Variants in DNAJC7 observed in about 807,000 individuals in gnomAD.
DNAJC7 encodes dnaJ homolog subfamily C member 7.
A neutral mutation model predicts 67.4 loss-of-function variants in DNAJC7; 18 were observed. The observed-to-expected ratio is 0.27, with a 90% CI of 0.18 to 0.40. The LOEUF (loss-of-function observed/expected upper bound fraction) is 0.40. Ranked by LOEUF, DNAJC7 falls within the 10% of genes least tolerant of loss-of-function variation. The probability of loss-of-function intolerance (pLI) is 1.00; values close to 1 mark genes in which losing one functional copy is unlikely to be tolerated. For missense variants in DNAJC7, 419 were observed against 613.8 expected (o/e 0.68, Z 3.35); for synonymous variants, 220 against 207.8 (o/e 1.06, Z -0.50).
At chr17:41,978,793 T>C (rs2051162029) in intron 12 of DNAJC7, among the ~76,000 whole-genome samples, 1 of 152,156 alleles carries the variant, frequency 6.6e-6, no homozygotes, top group Non-Finnish European at 1.5e-5. Context: ...GGCAGGAGAA[T>C]GGCGTGAACC....
At chr17:42,014,718 A>C (rs1410009500) in intron 1 of DNAJC7, 1 of 149,736 alleles carries the variant, frequency 6.7e-6, no homozygotes, top group African/African-American at 2.5e-5. Flanking sequence ...GCATCACCCC[A>C]CCTGGCTAAT....
At chr17:42,007,583 G>C (rs2052000851) in intron 1 of DNAJC7, among the ~76,000 whole-genome samples, 1 of 152,042 alleles carries the variant, frequency 6.6e-6, no homozygotes, top group South Asian at 2.1e-4. Context: ...GAGTGCAGTG[G>C]TGAGATCTCG....
Position 41,981,962 on chromosome 17 carries a change from T to C in DNAJC7, c.1277A>G (p.Lys426Arg). The change falls in exon 12 of 14, where the codon AAG (lysine) becomes AGG (arginine). Residue 426 changes from lysine (K) to arginine (R), a missense_variant. By Grantham distance (26) the Lys-to-Arg change is conservative. This residue lies in a region of DNAJC7 where 161 missense variants were observed against 252.2 expected (regional missense o/e 0.64). Coordinates refer to ENST00000457167, the MANE Select transcript of DNAJC7 (RefSeq NM_003315.4). ...GGCCTCTCCAACTTCCTTGAACTTC[T>C]TCTCCTCCTCCTTCTGAACCTCAGC... ...ASAEVQKEEE[K>R]KFKEVGEAFT... 2 of 1,614,066 alleles carry C rather than the reference T, an allele frequency of 1.2e-6. No homozygotes were observed. The highest frequency in any genetic ancestry group is 1.7e-6 in the Non-Finnish European group (2 of 1,179,910).
chr17:41,983,599 C>T lies in DNAJC7; in HGVS notation c.1048G>A (p.Asp350Asn). Residue 350 changes from aspartate to asparagine, a missense_variant, in exon 10 of 14, where the codon GAC (aspartate) becomes AAC (asparagine). Asp to Asn is a conservative substitution (Grantham distance 23). This residue lies in a region of DNAJC7 where 161 missense variants were observed against 252.2 expected (regional missense o/e 0.64). Transcript: ENST00000457167. Reference sequence around the variant, plus strand: ...TCTGTCTGGTATACTTTTTCATAGTCTCGTACTGCTTCTTCATACTGTTCT... The same window carrying T: ...TCTGTCTGGTATACTTTTTCATAGTTTCGTACTGCTTCTTCATACTGTTCT... ...DTEQYEEAVRDYEKVYQTEKT... is the reference protein window; with the variant it reads ...DTEQYEEAVRNYEKVYQTEKT... 6.2e-7 allele frequency: 1 copy of T among 1,601,766 alleles called. No homozygotes were observed. Among genetic ancestry groups the T allele is most frequent in the Admixed American group, 1.7e-5 (1 of 57,602 alleles).
chr17:41,986,701 A>C (rs2051391778), intron 9 of DNAJC7, among the ~76,000 whole-genome samples: 1 of 152,196 alleles, frequency 6.6e-6, no homozygotes, highest in Non-Finnish European at 1.5e-5. Context: ...GGAATGACTG[A>C]CAGTCAGTCT....
At chr17:41,978,195 G>A (rs146536857) in intron 12 of DNAJC7, among the ~76,000 whole-genome samples, 1 of 152,276 alleles carries the variant, frequency 6.6e-6, no homozygotes, top group African/African-American at 2.4e-5. Context: ...CAAGGCCACA[G>A]CATGTCTGGT....
intron 2 of DNAJC7, among the ~76,000 whole-genome samples, chr17:41,998,657 A>C (rs1249765996): frequency 6.6e-6 from 1 of 152,234 alleles, no homozygotes; most frequent in Non-Finnish European, 1.5e-5. Context: ...TGAAATGTGC[A>C]TGTTGAGCTG....
At chr17:42,017,202 C>T (rs2052325957) in intron 1 of DNAJC7, 138 bp downstream of exon 1, 1 of 1,587,390 alleles carries the variant, frequency 6.3e-7, no homozygotes, top group African/African-American at 1.3e-5. Flanking sequence ...GTCCATCCGG[C>T]CTTGATCTCA....
At chr17:42,010,998 T>C (rs1411783760) in intron 1 of DNAJC7, 1 of 152,214 alleles carries the variant, frequency 6.6e-6, no homozygotes, top group Non-Finnish European at 1.5e-5. Context: ...AATAGCCTGT[T>C]AGGATAACTG....
chr17:41,987,757 A>G, intron 9 of DNAJC7, 62 bp downstream of exon 9: 1 of 1,422,838 alleles, frequency 7.0e-7, no homozygotes, highest in Non-Finnish European at 9.7e-7. Context: ...CGTCATCCAC[A>G]AGGCAATTCC....
chr17:42,008,912 TTGGCCAGGC>T (rs1452859142), intron 1 of DNAJC7, among the ~76,000 whole-genome samples: 2 of 152,046 alleles, frequency 1.3e-5, no homozygotes, highest in African/African-American at 4.8e-5. Flanking sequence ...TCTTGCCATG[TTGGCCAGGC>T]TGGTCTTCAA....
Position 41,982,025 on chromosome 17 carries a change from A to G in DNAJC7, c.1232-18T>C. The G allele has an allele frequency of 1.2e-6, 2 of 1,607,328 alleles. No homozygotes were observed. Among genetic ancestry groups the G allele is most frequent in the Non-Finnish European group, 1.7e-6 (2 of 1,178,070 alleles). Reference sequence around the variant, plus strand: ...ATGCCGATCTAAAGTGGGGAGTAAAAGAACAACTCAGTGGAAATCAAAGTT... The same window carrying G: ...ATGCCGATCTAAAGTGGGGAGTAAAGGAACAACTCAGTGGAAATCAAAGTT... On this transcript the variant is annotated intron_variant, in intron 11 of 13. Coordinates refer to ENST00000457167, the MANE Select transcript of DNAJC7 (RefSeq NM_003315.4).
chr17:41,994,736 G>A lies in DNAJC7; in HGVS notation c.480+134C>T, dbSNP rs998375694. 7.1e-6 allele frequency: 5 copies of A among 703,470 alleles called. No homozygotes were observed. The Admixed American group carries it at 8.7e-5, about 12-fold the overall frequency. 43.6% of individuals were successfully genotyped at this position (703,470 alleles called of 1,614,324 possible). On this transcript the variant is annotated intron_variant, in intron 5 of 13. Transcript: ENST00000457167. ...AAAACATTTTTAAGAGGAAAAGTCA[G>A]AAGCCTAATTTAAGTGATAATTTAC... is the stretch of plus-strand genomic sequence containing the variant.
chr17:41,990,322 G>T lies in DNAJC7; in HGVS notation c.541C>A (p.Leu181Ile). ...AGCATTGCTAAACATTCTGCCTTGA[G>T]GATTTTGAAGCGATGGCAGGCAGGG... The part of the protein sequence containing the change: ...FAPACHRFKI[L>I]KAECLAMLGR... Residue 181 changes from leucine (L) to isoleucine (I), a missense_variant, in exon 6 of 14, where the codon CTC becomes ATC. Coordinates refer to ENST00000457167, the MANE Select transcript of DNAJC7 (RefSeq NM_003315.4). 6.2e-7 allele frequency: 1 copy of T among 1,612,030 alleles called. No individual in the cohort carries two copies. Among genetic ancestry groups the T allele is most frequent in the Non-Finnish European group, 8.5e-7 (1 of 1,179,146 alleles).
chr17:41,982,308 G>C lies in DNAJC7; in HGVS notation c.1178C>G (p.Ser393Cys). Residue 393 changes from serine to cysteine, a missense_variant, in exon 11 of 14, where the codon TCT becomes TGT. By Grantham distance (112) the Ser-to-Cys change is moderately radical. Coordinates refer to ENST00000457167, the MANE Select transcript of DNAJC7 (RefSeq NM_003315.4). ...ATAAGCTTTCTTGATCTCGTCCTCA[G>C]AGGCATTCTTGTCCACTCCTAGAAT... ...YKILGVDKNA[S>C]EDEIKKAYRK... is the part of the protein sequence containing the mutation. The C allele has an allele frequency of 1.2e-6, 2 of 1,614,024 alleles. No homozygotes were observed. The highest frequency in any genetic ancestry group is 8.5e-7 in the Non-Finnish European group (1 of 1,179,908).
chr17:41,982,010 A>G lies in DNAJC7; in HGVS notation c.1232-3T>C, dbSNP rs2051263920. The G allele has an allele frequency of 6.2e-7, 1 of 1,612,218 alleles. No homozygotes were observed. Among genetic ancestry groups the G allele is most frequent in the Non-Finnish European group, 8.5e-7 (1 of 1,179,352 alleles). ...AGCACTGGCTCCACTATGCCGATCT[A>G]AAGTGGGGAGTAAAAGAACAACTCA... On this transcript the variant is annotated splice_polypyrimidine_tract_variant and splice_region_variant and intron_variant, in intron 11 of 13. Coordinates refer to ENST00000457167, the MANE Select transcript of DNAJC7 (RefSeq NM_003315.4).
At chr17:41,983,728 G>C in intron 9 of DNAJC7, 92 bp from the exon 10 acceptor site, 1 of 1,088,428 alleles carries the variant, frequency 9.2e-7, no homozygotes, top group Non-Finnish European at 1.3e-6. Context: ...GCTCAAGCAA[G>C]AGACACACAC....
In DNAJC7 at chr17:41,998,755, T is replaced by C. The variant is rs183336407; in HGVS notation, c.167-1516A>G. Reference sequence around the variant, plus strand: ...ATGGAGATAACTAAGACTTCTTTTATGTACAAAGGCCATTTTCTAAGGTAG... The same window carrying C: ...ATGGAGATAACTAAGACTTCTTTTACGTACAAAGGCCATTTTCTAAGGTAG... On this transcript the variant is annotated intron_variant, in intron 2 of 13. Coordinates refer to ENST00000457167, the MANE Select transcript of DNAJC7 (RefSeq NM_003315.4). Among the ~76,000 whole-genome samples, 253 of 152,348 alleles carry C rather than the reference T, an allele frequency of 1.7e-3. 1 individual carries two copies. The highest frequency in any genetic ancestry group is 1.4e-3 in the Non-Finnish European group (92 of 68,032).
At chr17:41,984,356 T>C (rs1555646460) in intron 9 of DNAJC7, 1 of 149,794 alleles carries the variant, frequency 6.7e-6, no homozygotes, top group East Asian at 2.0e-4. Context: ...CAGACTGCAG[T>C]GCAGTGGTGT....
Sources: allele counts gnomAD v4.1 joint callset (sites outside exome capture counted in the v4.1 genomes callset), GRCh38; gene constraint gnomAD v4.1.1; regional missense constraint gnomAD v4.1.1; transcripts MANE v1.5; gene names NCBI Gene and HGNC (gene_info 2026-07-23, HGNC 2026-07-21).